ODF2L: variants seen among roughly 807,000 people sequenced by gnomAD.
ODF2L encodes outer dense fiber of sperm tails 2 like, also known as protein BCAP.
Under a neutral mutation model 86.3 loss-of-function variants are expected in ODF2L, and 76 were observed. That is an observed-to-expected ratio of 0.88 (90% confidence interval 0.73 to 1.07). ODF2L has a LOEUF of 1.07. ODF2L is among the 50% of genes least tolerant of loss of function. ODF2L has a pLI of 0.00. For synonymous variants in ODF2L, 241 were observed against 231.3 expected (o/e 1.04, Z -0.38); for missense variants, 748 against 717.4 (o/e 1.04, Z -0.49).
intron 1 of ODF2L, 104 bp from the exon 2 acceptor site, chr1:86,387,190 C>T: frequency 2.2e-6 from 1 of 457,084 alleles, no homozygotes; most frequent in Non-Finnish European, 3.8e-6. Flanking sequence ...AATAACATTT[C>T]AAAGACAAAA....
chr1:86,366,393 C>A (rs1011453684), intron 11 of ODF2L, among the ~76,000 whole-genome samples: 1 of 66,524 alleles, frequency 1.5e-5, no homozygotes. Context: ...ACCCCACCTA[C>A]ACACACACAC....
chr1:86,378,403 C>A (rs563431302), intron 7 of ODF2L, among the ~76,000 whole-genome samples: 6 of 152,360 alleles, frequency 3.9e-5, no homozygotes, highest in South Asian at 2.1e-4. Context: ...ACTGTTCTAA[C>A]CTCTGCCCAT....
At chr1:86,385,329 G>T in intron 3 of ODF2L, 129 bp downstream of exon 3, 1 of 564,798 alleles carries the variant, frequency 1.8e-6, no homozygotes, top group Non-Finnish European at 3.1e-6. Flanking sequence ...AAAGAATTCT[G>T]ATAAACCCTC....
intron 7 of ODF2L, 45 bp from the exon 8 acceptor site, chr1:86,376,463 T>C (rs758153388): frequency 8.1e-7 from 1 of 1,231,490 alleles, no homozygotes. Context: ...AGAACTCCAA[T>C]GTTTATGTAA....
At chr1:86,353,094 T>C (rs1179899120) in intron 16 of ODF2L, 110 bp from the exon 16 acceptor site, 18 of 685,272 alleles carry the variant, frequency 2.6e-5, no homozygotes, top group Non-Finnish European at 4.4e-5. Flanking sequence ...TTGTATGTTA[T>C]ATCCAAGTTT....
chr1:86,391,850 G>C (rs1389659544), intron 1 of ODF2L, among the ~76,000 whole-genome samples: 4 of 152,018 alleles, frequency 2.6e-5, no homozygotes, highest in Non-Finnish European at 5.9e-5. Context: ...TAAATAGCTG[G>C]GACTTAATTA....
Position 86,383,008 on chromosome 1 carries a change from G to T in ODF2L, c.436-6C>A. 6.8e-7 allele frequency: 1 copy of T among 1,462,216 alleles called. No individual in the cohort carries two copies. The highest frequency in any genetic ancestry group is 1.2e-5 in the South Asian group (1 of 86,604). The allele number at this position is 1,462,216 out of a possible 1,614,324, so 90.6% of individuals were successfully genotyped here. On this transcript the variant is annotated splice_polypyrimidine_tract_variant and splice_region_variant and intron_variant, in intron 5 of 17. Transcript: ENST00000317336. ...AATACCTTCTTCTTAAGATTCTTGA[G>T]CAAATATAAAATAAGAATTAGGAAT...
chr1:86,390,279 G>A (rs953065445), intron 1 of ODF2L, among the ~76,000 whole-genome samples: 11 of 152,048 alleles, frequency 7.2e-5, no homozygotes, highest in African/African-American at 2.7e-4. Context: ...AAATTAGCTG[G>A]GCATCGTGGC....
At chr1:86,347,798 A>G (rs185334176), downstream of ODF2L, 109 of 152,328 alleles carry the variant, frequency 7.2e-4, no homozygotes, top group African/African-American at 2.5e-3. Flanking sequence ...AGGAGTCACT[A>G]TTACTTGATC....
At chr1:86,370,984 A>T (rs370501643) in intron 10 of ODF2L, 34 bp downstream of exon 10, 67 of 1,422,334 alleles carry the variant, frequency 4.7e-5, no homozygotes, top group East Asian at 4.4e-4. Context: ...GTCATTACAC[A>T]ATACATGCCT....
Position 86,358,899 on chromosome 1 carries a change from T to C in ODF2L, c.1255-8A>G. The C allele has an allele frequency of 7.5e-7, 1 of 1,336,128 alleles. No individual in the cohort carries two copies. The highest frequency in any genetic ancestry group is 1.0e-6 in the Non-Finnish European group (1 of 967,312). 82.8% of individuals were successfully genotyped at this position (1,336,128 alleles called of 1,614,324 possible). On this transcript the variant is annotated splice_region_variant and splice_polypyrimidine_tract_variant and intron_variant, in intron 12 of 17. Transcript: ENST00000317336. ...TTCTTGCAACTTTTGTACCTGAAAA[T>C]AAAGTATTAGAGAAACATATTATTT...
rs1658140216 is a variant in ODF2L at position 86,351,586 on chromosome 1, G to C, written c.*605C>G. On this transcript the variant is annotated 3_prime_UTR_variant, in exon 18 of 18. Transcript: ENST00000317336. Reference sequence around the variant, plus strand: ...GTCTTGGTTATGTGAGCTCTTTTTTGGTTCCATATGAAATTTGAAGTAGTT... The same window carrying C: ...GTCTTGGTTATGTGAGCTCTTTTTTCGTTCCATATGAAATTTGAAGTAGTT... 2.0e-5 allele frequency: 3 copies of C among 152,106 alleles called. No homozygotes were observed. The South Asian group carries it at 6.2e-4, about 31-fold the overall frequency. 9.4% of individuals were successfully genotyped at this position (152,106 alleles called of 1,614,324 possible). A position where few individuals can be genotyped will look rare whatever the true frequency, so the allele number is the denominator to read the frequency against.
intron 2 of ODF2L, chr1:86,385,855 A>G (rs1175078787): frequency 8.8e-6 from 2 of 226,200 alleles, no homozygotes; most frequent in Non-Finnish European, 1.7e-5. Flanking sequence ...AATATTTATA[A>G]ATAAAATTCC....
chr1:86,379,829 T>C (rs1179771441), intron 7 of ODF2L, among the ~76,000 whole-genome samples: 3 of 152,162 alleles, frequency 2.0e-5, no homozygotes. Flanking sequence ...TAAGTATTAT[T>C]GAGGACATGT....
intron 11 of ODF2L, among the ~76,000 whole-genome samples, chr1:86,364,152 A>C (rs1398501866): frequency 6.6e-6 from 1 of 152,198 alleles, no homozygotes; most frequent in African/African-American, 2.4e-5. Context: ...ATTTTATCAA[A>C]AACTAGTTTA....
intron 10 of ODF2L, among the ~76,000 whole-genome samples, chr1:86,369,116 T>C (rs921975358): frequency 6.6e-6 from 1 of 152,150 alleles, no homozygotes; most frequent in Non-Finnish European, 1.5e-5. Context: ...ACTGAATAAA[T>C]TGTCAGAAGT....
At chr1:86,390,466 T>A (rs1266573105) in intron 1 of ODF2L, among the ~76,000 whole-genome samples, 1 of 151,954 alleles carries the variant, frequency 6.6e-6, no homozygotes, top group South Asian at 2.1e-4. Context: ...GAATTCAACA[T>A]CAAAAAGATA....
At chr1:86,379,501 A>T (rs1317679867) in intron 7 of ODF2L, among the ~76,000 whole-genome samples, 1 of 152,300 alleles carries the variant, frequency 6.6e-6, no homozygotes, top group South Asian at 2.1e-4. Flanking sequence ...AGTTTAAAAA[A>T]ACATAATTGA....
At chr1:86,366,692 GATGAA>G (rs1286658123) in intron 11 of ODF2L, among the ~76,000 whole-genome samples, 6 of 151,512 alleles carry the variant, frequency 4.0e-5, no homozygotes, top group Admixed American at 2.0e-4. Flanking sequence ...TCAGATATTT[GATGAA>G]ATGAACACTT....
Sources: allele counts gnomAD v4.1 joint callset (sites outside exome capture counted in the v4.1 genomes callset), GRCh38; gene constraint gnomAD v4.1.1; transcripts MANE v1.5; gene names NCBI Gene and HGNC (gene_info 2026-07-23, HGNC 2026-07-21).